The following UTP20 variants were observed in gnomAD, a reference collection of about 807,000 sequenced individuals.
UTP20 encodes UTP20 small subunit processome component.
In UTP20, 164 loss-of-function variants were observed where a neutral mutation model predicts 329.5. The ratio of observed to expected loss-of-function variants is 0.50; its 90% confidence interval spans 0.44 to 0.57. UTP20 has a LOEUF of 0.57. Among genes scored for constraint, UTP20 ranks in the 20% least tolerant of loss-of-function variants. The pLI, the probability that UTP20 is intolerant of heterozygous loss-of-function variation, is 0.00. For synonymous variants in UTP20, 1,151 were observed against 1,159.3 expected (o/e 0.99, Z 0.14); for missense variants, 3,055 against 3,284.2 (o/e 0.93, Z 1.71).
chr12:101,365,748 T>G (rs750513284), intron 46 of UTP20, 123 bp downstream of exon 46: 99 of 701,334 alleles, frequency 1.4e-4, no homozygotes, highest in Non-Finnish European at 1.7e-4. Flanking sequence ...TCTCAGATGG[T>G]ACTTTATGGT....
intron 21 of UTP20, among the ~76,000 whole-genome samples, chr12:101,316,284 G>T (rs1010647308): frequency 2.6e-5 from 4 of 152,188 alleles, no homozygotes; most frequent in Non-Finnish European, 5.9e-5. Flanking sequence ...CTCACTGTGT[G>T]CTGGACACTC....
chr12:101,368,425 G>A (rs2121020361), intron 48 of UTP20, among the ~76,000 whole-genome samples: 1 of 152,142 alleles, frequency 6.6e-6, no homozygotes, highest in Middle Eastern at 3.4e-3. Context: ...GAGCCACCGT[G>A]CCCGGCCGAG....
At chr12:101,349,255 T>A (rs1422878065) in intron 38 of UTP20, among the ~76,000 whole-genome samples, 1 of 152,102 alleles carries the variant, frequency 6.6e-6, no homozygotes, top group African/African-American at 2.4e-5. Context: ...TTTTCTTAAC[T>A]GCTTTTAAAA....
At chr12:101,336,840 A>C (rs1412437885) in intron 29 of UTP20, among the ~76,000 whole-genome samples, 1 of 152,256 alleles carries the variant, frequency 6.6e-6, no homozygotes, top group Non-Finnish European at 1.5e-5. Flanking sequence ...TCACGTTAGC[A>C]TGTAGCATGC....
intron 25 of UTP20, among the ~76,000 whole-genome samples, chr12:101,323,195 G>C (rs1267360651): frequency 6.6e-6 from 1 of 152,112 alleles, no homozygotes; most frequent in Non-Finnish European, 1.5e-5. Flanking sequence ...TCATCATATA[G>C]ACAAGCTGTC....
chr12:101,285,635 C>T lies in UTP20; in HGVS notation c.192C>T (p.Phe64=), dbSNP rs143038674. Residue 64 remains phenylalanine, a splice_region_variant and synonymous_variant, in exon 3 of 62, where the codon TTC becomes TTT. Coordinates refer to ENST00000261637, the MANE Select transcript of UTP20 (RefSeq NM_014503.3). Reference sequence around the variant, plus strand: ...GAGAATTAAACCTCACAGAACACTTCGGTATTTTCTATTTCGTTTCTATTT... The same window carrying T: ...GAGAATTAAACCTCACAGAACACTTTGGTATTTTCTATTTCGTTTCTATTT... The part of the protein sequence containing the change: ...KWRELNLTEH[F]GKFYKEVIDK... 59 of 1,613,622 alleles carry T rather than the reference C, an allele frequency of 3.7e-5. No homozygotes were observed. Among genetic ancestry groups the T allele is most frequent in the Middle Eastern group, 3.3e-4 (2 of 6,072 alleles).
intron 57 of UTP20, among the ~76,000 whole-genome samples, chr12:101,380,425 T>C (rs943689649): frequency 6.6e-6 from 1 of 152,010 alleles, no homozygotes; most frequent in South Asian, 2.1e-4. Flanking sequence ...TTAGGGACCA[T>C]GATATATGTG....
chr12:101,297,286 G>A (rs1162495206), intron 12 of UTP20, among the ~76,000 whole-genome samples: 1 of 152,160 alleles, frequency 6.6e-6, no homozygotes, highest in African/African-American at 2.4e-5. Context: ...CACAATCACG[G>A]CTCACTGCAG....
At chr12:101,382,035 A>AAGAG (rs1555203543) in intron 58 of UTP20, among the ~76,000 whole-genome samples, 1 of 151,030 alleles carries the variant, frequency 6.6e-6, no homozygotes, top group Non-Finnish European at 1.5e-5. Flanking sequence ...AAAAAAAAAA[A>AAGAG]AGAGAGAGAA....
chr12:101,340,643 T>A, intron 32 of UTP20, 33 bp downstream of exon 32: 1 of 1,410,930 alleles, frequency 7.1e-7, no homozygotes, highest in Non-Finnish European at 1.0e-6. Flanking sequence ...ACTTTGTCTC[T>A]AGAGTGGCAC....
rs182008201 is a variant in UTP20 at position 101,382,689 on chromosome 12, C to A, written c.7657-352C>A. Among the ~76,000 whole-genome samples the A allele has an allele frequency of 2.6e-3, 389 of 152,048 alleles. 1 individual carries two copies. Among genetic ancestry groups the A allele is most frequent in the Non-Finnish European group, 4.3e-3 (292 of 67,964 alleles). The stretch of plus-strand genomic sequence containing the variant: ...CCAACATGGCGAAACCCCGTCTCTA[C>A]TAAAAGTATAAAAATTAGCCAGGCA... On this transcript the variant is annotated intron_variant, in intron 58 of 61. Transcript: ENST00000261637.
At chr12:101,290,024 A>T (rs1334501797) in intron 6 of UTP20, 113 bp from the exon 7 acceptor site, 4 of 837,738 alleles carry the variant, frequency 4.8e-6, no homozygotes, top group Non-Finnish European at 5.1e-6. Flanking sequence ...TCTTTTCACA[A>T]TTTTTTCCTA....
chr12:101,364,812 A>G (rs916530337), intron 45 of UTP20, among the ~76,000 whole-genome samples: 5 of 152,172 alleles, frequency 3.3e-5, no homozygotes, highest in African/African-American at 1.2e-4. Flanking sequence ...TGTTAGATGC[A>G]TTTTCAGGAT....
intron 28 of UTP20, among the ~76,000 whole-genome samples, chr12:101,333,873 A>G (rs558858996): frequency 6.6e-6 from 1 of 152,328 alleles, no homozygotes; most frequent in African/African-American, 2.4e-5. Flanking sequence ...CATGTTGGCC[A>G]GGCTGGTCTT....
At chr12:101,290,971 C>A in intron 8 of UTP20, 83 bp downstream of exon 8, 1 of 1,387,064 alleles carries the variant, frequency 7.2e-7, no homozygotes, top group East Asian at 2.4e-5. Flanking sequence ...CAAATCACTC[C>A]TAGAAGTTAT....
At chr12:101,312,297 A>G in intron 21 of UTP20, 21 bp downstream of exon 21, 2 of 1,612,330 alleles carry the variant, frequency 1.2e-6, no homozygotes, top group Non-Finnish European at 8.5e-7. Context: ...TCTTCTAAGA[A>G]TATGTCCCTG....
intron 29 of UTP20, among the ~76,000 whole-genome samples, chr12:101,337,344 C>T (rs991517145): frequency 6.6e-6 from 1 of 152,154 alleles, no homozygotes; most frequent in African/African-American, 2.4e-5. Context: ...TTGAAAAAGG[C>T]AAACTATCTG....
chr12:101,345,782 C>A, intron 37 of UTP20, 88 bp downstream of exon 37: 1 of 1,290,846 alleles, frequency 7.7e-7, no homozygotes, highest in South Asian at 1.9e-5. Flanking sequence ...CATGTTTTAA[C>A]TTTCCAAAAA....
intron 15 of UTP20, among the ~76,000 whole-genome samples, chr12:101,305,633 G>C (rs574886910): frequency 3.6e-5 from 5 of 140,558 alleles, no homozygotes; most frequent in Non-Finnish European, 4.5e-5. Context: ...ATATATAAGT[G>C]GCTGTCATTT....
Sources: gnomAD v4.1 joint callset for allele counts (sites outside exome capture counted in the v4.1 genomes callset) on GRCh38, gnomAD v4.1.1 for gene constraint, MANE v1.5 for transcripts, NCBI Gene and HGNC (gene_info 2026-07-23, HGNC 2026-07-21) for gene names.